Variants in MMP26 observed in about 807,000 individuals in gnomAD.
The protein encoded by MMP26 is matrix metalloproteinase-26.
MMP26 carries 33 observed loss-of-function variants against 31.0 expected under a neutral mutation model. The observed-to-expected ratio is 1.06, with a 90% CI of 0.81 to 1.42. MMP26 has a LOEUF of 1.42. Ranked by LOEUF, MMP26 falls within the 40% of genes most tolerant of loss-of-function variation. MMP26 has a pLI of 0.00. For missense variants in MMP26, 347 were observed against 316.1 expected (o/e 1.10, Z -0.74); for synonymous variants, 122 against 114.9 (o/e 1.06, Z -0.40).
chr11:4,892,992 C>T (rs980665254), intron 2 of MMP26, among the ~76,000 whole-genome samples: 9 of 151,986 alleles, frequency 5.9e-5, no homozygotes, highest in South Asian at 4.1e-4. Context: ...TTTAACCATC[C>T]GGCTTTGGAA....
intron 2 of MMP26, chr11:4,859,837 C>CA (rs1388357050): frequency 2.1e-6 from 1 of 471,254 alleles, no homozygotes; most frequent in Non-Finnish European, 4.4e-6. Flanking sequence ...GTGAGAGAGG[C>CA]ATGTGCTGAG....
chr11:4,986,956 T>C lies in MMP26; in HGVS notation c.-144-1112T>C, dbSNP rs1162476636. 8.2e-3 allele frequency among the ~76,000 whole-genome samples: 1,153 copies of C among 140,344 alleles called. 22 individuals are homozygous for C. Among genetic ancestry groups the C allele is most frequent in the African/African-American group, 0.03 (1,078 of 35,440 alleles). The allele number at this position is 140,344 out of a possible 152,430, so 92.1% of individuals were successfully genotyped here. A position where few individuals can be genotyped will look rare whatever the true frequency, so the allele number is the denominator to read the frequency against. On this transcript the variant is annotated intron_variant, in intron 2 of 7. Transcript: ENST00000380390. The stretch of plus-strand genomic sequence containing the variant: ...CCCTCTCTCTCTCTCTCTCTCTCTC[T>C]CTCCCTCTCTCTCTCTCTCTTTCTT...
chr11:4,973,194 A>T (rs909922555), intron 2 of MMP26: 1 of 179,896 alleles, frequency 5.6e-6, no homozygotes, highest in African/African-American at 2.4e-5. Context: ...TTCTTTCATG[A>T]TGCTATGCTC....
At chr11:4,940,518 A>C (rs1196365299) in intron 2 of MMP26, among the ~76,000 whole-genome samples, 1 of 152,206 alleles carries the variant, frequency 6.6e-6, no homozygotes, top group Non-Finnish European at 1.5e-5. Flanking sequence ...ATACTTTGCT[A>C]TAAAATCAGT....
At chr11:4,984,860 C>A (rs1449499725) in intron 2 of MMP26, among the ~76,000 whole-genome samples, 2 of 152,106 alleles carry the variant, frequency 1.3e-5, no homozygotes, top group Non-Finnish European at 1.5e-5. Flanking sequence ...TCTCTGGTCA[C>A]CTTCTTTCAA....
chr11:4,987,952 C>T lies in MMP26; in HGVS notation c.-144-116C>T, dbSNP rs1241001039. On this transcript the variant is annotated intron_variant, in intron 2 of 7. Coordinates refer to ENST00000380390, the MANE Select transcript of MMP26 (RefSeq NM_021801.5). The stretch of plus-strand genomic sequence containing the variant: ...ATATTCTGAGACTGACCTGTATTTC[C>T]TTAACCAGGCCTGTGGCCCGGGATG... 1.4e-5 allele frequency: 7 copies of T among 508,674 alleles called. No individual in the cohort carries two copies. In the East Asian group the frequency reaches 2.4e-4, roughly 18 times the overall value. 31.5% of individuals were successfully genotyped at this position (508,674 alleles called of 1,614,324 possible). A position where few individuals can be genotyped will look rare whatever the true frequency, so the allele number is the denominator to read the frequency against.
intron 2 of MMP26, among the ~76,000 whole-genome samples, chr11:4,900,112 T>C (rs1365303477): frequency 1.3e-5 from 2 of 152,204 alleles, no homozygotes; most frequent in Non-Finnish European, 2.9e-5. Flanking sequence ...GTTCTATTTC[T>C]GTACCAGATT....
At chr11:4,735,262 T>C (rs1194969146) in intron 1 of MMP26, among the ~76,000 whole-genome samples, 1 of 152,236 alleles carries the variant, frequency 6.6e-6, no homozygotes, top group Non-Finnish European at 1.5e-5. Flanking sequence ...ATTGACTATA[T>C]GCCCTTAGAG....
chr11:4,754,307 TAATA>T (rs555844042), intron 1 of MMP26, among the ~76,000 whole-genome samples: 37 of 152,070 alleles, frequency 2.4e-4, no homozygotes, highest in African/African-American at 8.7e-4. Flanking sequence ...ATTTATTTCT[TAATA>T]AATAGAGCAA....
chr11:4,844,049 G>C (rs1849833724), intron 2 of MMP26, among the ~76,000 whole-genome samples: 1 of 152,000 alleles, frequency 6.6e-6, no homozygotes, highest in Admixed American at 6.6e-5. Context: ...GAAAGAATAA[G>C]AGATGATCCA....
chr11:4,867,317 A>G (rs1385081337), intron 2 of MMP26, among the ~76,000 whole-genome samples: 2 of 152,046 alleles, frequency 1.3e-5, no homozygotes, highest in East Asian at 3.9e-4. Context: ...CATGTGACCA[A>G]CAAACATATG....
At chr11:4,745,813 C>T (rs922638228) in intron 1 of MMP26, among the ~76,000 whole-genome samples, 4 of 152,140 alleles carry the variant, frequency 2.6e-5, no homozygotes, top group African/African-American at 9.7e-5. Context: ...ATAATATCTC[C>T]AAAGTTTTGC....
intron 2 of MMP26, among the ~76,000 whole-genome samples, chr11:4,972,720 T>C (rs1846681506): frequency 6.6e-6 from 1 of 152,202 alleles, no homozygotes; most frequent in African/African-American, 2.4e-5. Context: ...ATAGGAGTGG[T>C]AAGGGAAACT....
intron 1 of MMP26, among the ~76,000 whole-genome samples, chr11:4,713,691 A>G (rs1327583934): frequency 6.6e-6 from 1 of 152,166 alleles, no homozygotes; most frequent in Non-Finnish European, 1.5e-5. Flanking sequence ...GTGAAGCACA[A>G]GCAGAGGGGT....
At position 4,976,398 on chromosome 11, in the gene MMP26, T is replaced by A. The variant is rs181207454; in HGVS notation, c.-144-11670T>A. Among the ~76,000 whole-genome samples the A allele has an allele frequency of 1.1e-4, 17 of 152,154 alleles. No homozygotes were observed. In the East Asian group the frequency reaches 3.3e-3, roughly 29 times the overall value. ...TGTTGACATGGAAGCAAGTATTAAA[T>A]GGTAAAATCATAACAGCTTATTAAG... is the stretch of plus-strand genomic sequence containing the variant. On this transcript the variant is annotated intron_variant, in intron 2 of 7. Coordinates refer to ENST00000380390, the MANE Select transcript of MMP26 (RefSeq NM_021801.5).
rs866910164 is a variant in MMP26 at position 4,718,778 on chromosome 11, G to C, written c.-217+13733G>C. The C allele has an allele frequency of 2.5e-5, 4 of 158,394 alleles. No individual in the cohort carries two copies. In the Middle Eastern group the frequency reaches 2.1e-3, roughly 82 times the overall value. 9.8% of individuals were successfully genotyped at this position (158,394 alleles called of 1,614,324 possible). ...CTCTTTGCCATCGTTACTCAGCCCAGCCTCCACGAACCCATGTATTATTTC... is the reference window on the plus strand; with the variant it reads ...CTCTTTGCCATCGTTACTCAGCCCACCCTCCACGAACCCATGTATTATTTC... On this transcript the variant is annotated intron_variant, in intron 1 of 7. Transcript: ENST00000380390.
chr11:4,778,370 C>G (rs1490141607), intron 2 of MMP26, among the ~76,000 whole-genome samples: 2 of 151,934 alleles, frequency 1.3e-5, no homozygotes, highest in Non-Finnish European at 2.9e-5. Flanking sequence ...TCCAATAGAT[C>G]TGGTATTCGT....
intron 2 of MMP26, chr11:4,915,079 G>T: frequency 1.2e-6 from 2 of 1,614,004 alleles, no homozygotes; most frequent in Non-Finnish European, 1.7e-6. Context: ...CCTTCATGTC[G>T]GCACAGGCCA....
intron 2 of MMP26, chr11:4,915,361 G>A (rs960895312): frequency 2.1e-5 from 34 of 1,613,912 alleles, no homozygotes; most frequent in Middle Eastern, 3.3e-4. Context: ...GAGCAAAGCA[G>A]GCATCATGGC....
Sources: allele counts gnomAD v4.1 joint callset (sites outside exome capture counted in the v4.1 genomes callset), GRCh38; gene constraint gnomAD v4.1.1; transcripts MANE v1.5; gene names NCBI Gene and HGNC (gene_info 2026-07-23, HGNC 2026-07-21).